Variants in TPTE observed in about 807,000 individuals in gnomAD.
TPTE encodes the protein putative tyrosine-protein phosphatase TPTE.
TPTE carries 59 observed loss-of-function variants against 84.1 expected under a neutral mutation model. The observed-to-expected ratio is 0.70, with a 90% CI of 0.57 to 0.87. The LOEUF (loss-of-function observed/expected upper bound fraction) is 0.87, where lower values mean the gene tolerates loss of function less well. Among genes scored for constraint, TPTE ranks in the 40% least tolerant of loss-of-function variants. The pLI is 0.00. For missense variants in TPTE, 382 were observed against 659.6 expected, an observed-to-expected ratio of 0.58 and a Z score of 4.61; for synonymous variants, 130 against 223.5, an observed-to-expected ratio of 0.58 and a Z score of 3.73.
intron 10 of TPTE, among the ~76,000 whole-genome samples, chr21:10,565,018 A>G (rs1032884458): frequency 5.3e-5 from 8 of 152,292 alleles, no homozygotes; most frequent in Admixed American, 4.6e-4. Context: ...ATGGAAGAGA[A>G]AGAAAGGGAA....
intron 8 of TPTE, among the ~76,000 whole-genome samples, chr21:10,553,330 G>A (rs1233232879): frequency 6.6e-6 from 1 of 152,306 alleles, no homozygotes; most frequent in African/African-American, 2.4e-5. Flanking sequence ...TTGCCCAGTT[G>A]TATAACCATT....
At chr21:10,565,932 C>T (rs1600912357) in intron 10 of TPTE, among the ~76,000 whole-genome samples, 1 of 152,420 alleles carries the variant, frequency 6.6e-6, no homozygotes, top group South Asian at 2.1e-4. Context: ...GAAGAATCTC[C>T]AGGACATTGG....
chr21:10,569,418 CG>C lies in TPTE; in HGVS notation c.567-18del, dbSNP rs780446424. The C allele has an allele frequency of 1.2e-6, 2 of 1,608,210 alleles. No homozygotes were observed. The highest frequency in any genetic ancestry group is 2.2e-5 in the East Asian group (1 of 44,838). On this transcript the variant is annotated intron_variant, in intron 11 of 23. Coordinates refer to ENST00000618007, the MANE Select transcript of TPTE (RefSeq NM_199261.4). ...TTTTGTTTCTGAAGCAAAAATGGAT[CG>C]TTTAAATTTATTCTTAGATGGACAC...
rs540677971 is a variant in TPTE, at chr21:10,553,691, G to A, written c.233+975G>A. Among the ~76,000 whole-genome samples, 20 of 152,422 alleles carry A rather than the reference G, an allele frequency of 1.3e-4. No homozygotes were observed. In the South Asian group the frequency reaches 4.1e-3, roughly 32 times the overall value. Reference sequence around the variant, plus strand: ...GCAGTAGTCCCTGTGAGAAATGCTGGTGTTTCATAACAGGGGGATGATATT... The same window carrying A: ...GCAGTAGTCCCTGTGAGAAATGCTGATGTTTCATAACAGGGGGATGATATT... On this transcript the variant is annotated intron_variant, in intron 8 of 23. Coordinates refer to ENST00000618007, the MANE Select transcript of TPTE (RefSeq NM_199261.4).
In TPTE at chr21:10,527,356, G is replaced by C. The variant is rs2074098812; in HGVS notation, c.-100G>C. On this transcript the variant is annotated splice_region_variant and 5_prime_UTR_variant, in exon 3 of 24. Coordinates refer to ENST00000618007, the MANE Select transcript of TPTE (RefSeq NM_199261.4). ...TATGTGCTTTTTACTCTTTGGTAGA[G>C]TTATGGATTCACTACCAGATTCTAC... 1 of 152,796 alleles carries C rather than the reference G, an allele frequency of 6.5e-6. No individual in the cohort carries two copies. The highest frequency in any genetic ancestry group is 2.4e-5 in the African/African-American group (1 of 41,470). The allele number at this position is 152,796 out of a possible 1,614,324, so 9.5% of individuals were successfully genotyped here. A position where few individuals can be genotyped will look rare whatever the true frequency, so the allele number is the denominator to read the frequency against.
At chr21:10,533,937 G>A (rs2074224467) in intron 3 of TPTE, among the ~76,000 whole-genome samples, 1 of 152,312 alleles carries the variant, frequency 6.6e-6, no homozygotes, top group Non-Finnish European at 1.5e-5. Flanking sequence ...AAATGGAAGT[G>A]AGGTCCAGAA....
At position 10,605,615 on chromosome 21, in the gene TPTE, A is replaced by C. The variant is rs1568806479; in HGVS notation, c.*63A>C. The C allele has an allele frequency of 7.4e-6, 12 of 1,612,344 alleles. No individual in the cohort carries two copies. The highest frequency in any genetic ancestry group is 1.7e-5 in the Admixed American group (1 of 59,746). The stretch of plus-strand genomic sequence containing the variant: ...TTCTTTCCAACCCTGCCACATGTTC[A>C]TATATCCTAAATCTATCCTAAATGT... On this transcript the variant is annotated 3_prime_UTR_variant, in exon 24 of 24. Transcript: ENST00000618007.
intron 7 of TPTE, among the ~76,000 whole-genome samples, chr21:10,551,203 A>T (rs1306393826): frequency 1.3e-5 from 2 of 152,142 alleles, no homozygotes; most frequent in Non-Finnish European, 2.9e-5. Flanking sequence ...ACCAAACATC[A>T]CATGTTCTCA....
chr21:10,603,960 AG>A (rs1241343688), intron 23 of TPTE, among the ~76,000 whole-genome samples: 1 of 152,312 alleles, frequency 6.6e-6, no homozygotes, highest in Non-Finnish European at 1.5e-5. Context: ...TCAATATGTC[AG>A]GTCCCTGTCA....
At chr21:10,528,595 T>C (rs1247522515) in intron 3 of TPTE, among the ~76,000 whole-genome samples, 2 of 152,310 alleles carry the variant, frequency 1.3e-5, no homozygotes, top group African/African-American at 4.8e-5. Context: ...TAGAGCTTTA[T>C]AATAAGCTTC....
In TPTE at chr21:10,603,749, C is replaced by T; in HGVS notation, c.1520+117C>T. 3.9e-6 allele frequency: 5 copies of T among 1,283,652 alleles called. No individual in the cohort carries two copies. The South Asian group carries it at 4.0e-5, about 10-fold the overall frequency. 79.5% of individuals were successfully genotyped at this position (1,283,652 alleles called of 1,614,324 possible). The stretch of plus-strand genomic sequence containing the variant: ...CTTAATTTATAGAAAGCAAAAAATC[C>T]TTGAACCACCATTGTTCCTTGCCTT... On this transcript the variant is annotated intron_variant, in intron 23 of 23. Coordinates refer to ENST00000618007, the MANE Select transcript of TPTE (RefSeq NM_199261.4).
At chr21:10,569,776 G>A (rs377281305) in intron 13 of TPTE, 30 bp downstream of exon 13, 19,712 of 1,586,716 alleles carry the variant, frequency 0.012, 1 homozygote, top group South Asian at 0.049. Flanking sequence ...TGATTTACTT[G>A]TATTACTTCA....
At chr21:10,557,874 A>C (rs568534868) in intron 8 of TPTE, among the ~76,000 whole-genome samples, 5 of 152,422 alleles carry the variant, frequency 3.3e-5, no homozygotes, top group African/African-American at 1.2e-4. Flanking sequence ...TCAGTACCCA[A>C]ATAGTTATCT....
rs58884111 is a variant in TPTE, at chr21:10,561,157, C to T, written c.412C>T (p.Leu138Phe). The change falls in exon 10 of 24, where the codon CTC (leucine) becomes TTC (phenylalanine). Residue 138 changes from leucine to phenylalanine, a missense_variant. By Grantham distance (22) the Leu-to-Phe change is conservative. Transcript: ENST00000618007. Reference protein sequence around the residue: ...SISLAIALFFLMDVLLRVFVE... With the variant: ...SISLAIALFFFMDVLLRVFVE... ...TTCTCTAGCTATTGCCTTATTTTTT[C>T]TCATGGATGTTCTTCTTCGAGTATT... The T allele has an allele frequency of 1.2e-6, 2 of 1,611,976 alleles. No homozygotes were observed. The highest frequency in any genetic ancestry group is 1.7e-6 in the Non-Finnish European group (2 of 1,179,822).
intron 10 of TPTE, among the ~76,000 whole-genome samples, chr21:10,562,214 A>G (rs1273315397): frequency 6.6e-6 from 1 of 152,310 alleles, no homozygotes; most frequent in African/African-American, 2.4e-5. Context: ...TAGAGATTAG[A>G]TCACAGTATC....
chr21:10,577,677 T>C (rs1344603833), intron 15 of TPTE, among the ~76,000 whole-genome samples, 157 bp downstream of exon 15: 1 of 152,312 alleles, frequency 6.6e-6, no homozygotes, highest in Non-Finnish European at 1.5e-5. Flanking sequence ...CCCCATTTAG[T>C]AGAAGGAGTT....
At chr21:10,559,090 C>A (rs1296770308) in intron 8 of TPTE, among the ~76,000 whole-genome samples, 2 of 152,310 alleles carry the variant, frequency 1.3e-5, no homozygotes, top group African/African-American at 4.8e-5. Flanking sequence ...TATTTTATTG[C>A]AGTGGAAACT....
At chr21:10,552,349 T>TTTATATA (rs2074590539) in intron 7 of TPTE, among the ~76,000 whole-genome samples, 1 of 152,306 alleles carries the variant, frequency 6.6e-6, no homozygotes, top group Admixed American at 6.5e-5. Flanking sequence ...ACACATATTA[T>TTTATATA]TTATATATTA....
At position 10,559,515 on chromosome 21, in the gene TPTE, G is replaced by T. The variant is rs1376241720; in HGVS notation, c.255G>T (p.Val85=). The T allele has an allele frequency of 6.2e-7, 1 of 1,612,090 alleles. No homozygotes were observed. The highest frequency in any genetic ancestry group is 8.5e-7 in the Non-Finnish European group (1 of 1,179,860). Residue 85 remains valine (V), a synonymous_variant, in exon 9 of 24, where the codon GTG becomes GTT. Transcript: ENST00000618007. ...GCAGCAGCAAGATTAAGAAAATTGT[G>T]CATTCAATTGTATCATCCTTTGCAT... is the stretch of plus-strand genomic sequence containing the variant. ...ASYDSKIKKI[V]HSIVSSFAFG...
Sources: allele counts gnomAD v4.1 joint callset (sites outside exome capture counted in the v4.1 genomes callset), GRCh38; gene constraint gnomAD v4.1.1; transcripts MANE v1.5; gene names NCBI Gene and HGNC (gene_info 2026-07-23, HGNC 2026-07-21).